SLC2A9: variants seen among roughly 807,000 people sequenced by gnomAD.
SLC2A9 encodes solute carrier family 2, facilitated glucose transporter member 9.
SLC2A9 carries 39 observed loss-of-function variants against 50.6 expected under a neutral mutation model. The observed-to-expected ratio is 0.77, with a 90% CI of 0.60 to 1.01. The LOEUF is 1.01. Ranked by LOEUF, SLC2A9 falls within the 50% of genes least tolerant of loss-of-function variation. SLC2A9 has a pLI of 0.00. For missense variants in SLC2A9, 686 were observed against 677.6 expected (o/e 1.01, Z -0.14); for synonymous variants, 324 against 276.9 (o/e 1.17, Z -1.69).
Position 9,895,979 on chromosome 4 carries a change from C to T in SLC2A9, c.1114-5268G>A, listed in dbSNP as rs184955498. 2.6e-5 allele frequency among the ~76,000 whole-genome samples: 4 copies of T among 152,290 alleles called. No individual in the cohort carries two copies. In the East Asian group the frequency reaches 7.7e-4, roughly 29 times the overall value. On this transcript the variant is annotated intron_variant, in intron 8 of 11. Transcript: ENST00000264784. ...TCTTTTGTATTGCTGATCAGTATTC[C>T]ATTGCATGGATATACCAAAATTTGT...
intron 3 of SLC2A9, among the ~76,000 whole-genome samples, chr4:9,990,259 G>A (rs1246890317): frequency 2.6e-5 from 4 of 152,146 alleles, no homozygotes; most frequent in Admixed American, 6.5e-5. Flanking sequence ...TGCAAGCAAG[G>A]ATGGCCACAC....
At chr4:9,994,765 T>G (rs1054388813) in intron 3 of SLC2A9, among the ~76,000 whole-genome samples, 1 of 152,042 alleles carries the variant, frequency 6.6e-6, no homozygotes, top group Admixed American at 6.6e-5. Context: ...CTATTCCATC[T>G]GCATGGGTTC....
At chr4:9,814,606 G>T (rs2109008966) in intron 3 of SLC2A9, among the ~76,000 whole-genome samples, 1 of 152,314 alleles carries the variant, frequency 6.6e-6, no homozygotes, top group Non-Finnish European at 1.5e-5. Context: ...GGGCTCACTT[G>T]TATTTGACTG....
intron 3 of SLC2A9, among the ~76,000 whole-genome samples, chr4:9,810,444 G>A (rs1254855161): frequency 6.6e-6 from 1 of 152,204 alleles, no homozygotes; most frequent in Non-Finnish European, 1.5e-5. Context: ...TAAGGGATGA[G>A]ATTTTGGTAA....
At chr4:9,774,858 C>A (rs1717335277), downstream of SLC2A9, among the ~76,000 whole-genome samples, 1 of 151,872 alleles carries the variant, frequency 6.6e-6, no homozygotes, top group African/African-American at 2.4e-5. Flanking sequence ...CTATATGGGC[C>A]TCATTCCTTC....
At position 9,941,851 on chromosome 4, in the gene SLC2A9, A is replaced by G. The variant is rs2276965; in HGVS notation, c.814+62T>C. ...TGTGCCCATTGGCCCAGGTCCCAGCATGCCTTGCAGTGATGATCTATGCAG... is the reference window on the plus strand; with the variant it reads ...TGTGCCCATTGGCCCAGGTCCCAGCGTGCCTTGCAGTGATGATCTATGCAG... On this transcript the variant is annotated intron_variant, in intron 6 of 11. Coordinates refer to ENST00000264784, the MANE Select transcript of SLC2A9 (RefSeq NM_020041.3). The G allele has an allele frequency of 1.2e-3, 1,962 of 1,609,498 alleles. 10 individuals carry two copies. The East Asian group carries it at 0.023, about 19-fold the overall frequency.
At chr4:9,997,498 G>A (rs372700446) in intron 2 of SLC2A9, among the ~76,000 whole-genome samples, 30 of 152,296 alleles carry the variant, frequency 2.0e-4, no homozygotes, top group African/African-American at 4.6e-4. Flanking sequence ...CCAGGAGTTC[G>A]AGATCAGTCT....
chr4:9,969,512 G>T (rs549876754), intron 5 of SLC2A9, among the ~76,000 whole-genome samples: 54 of 152,206 alleles, frequency 3.5e-4, no homozygotes, highest in African/African-American at 6.7e-4. Flanking sequence ...GATCAATGTG[G>T]TTTTTTTCCC....
At chr4:10,024,779 G>A (rs1763698565), upstream of SLC2A9, among the ~76,000 whole-genome samples, 1 of 152,208 alleles carries the variant, frequency 6.6e-6, no homozygotes, top group Non-Finnish European at 1.5e-5. Flanking sequence ...CTAAAAAGTT[G>A]TCTTGGACAA....
At chr4:9,847,782 T>G (rs1490189466) in intron 10 of SLC2A9, among the ~76,000 whole-genome samples, 1 of 152,220 alleles carries the variant, frequency 6.6e-6, no homozygotes, top group Non-Finnish European at 1.5e-5. Flanking sequence ...CTTGAAAGGT[T>G]TTCCCTTTGT....
At chr4:9,880,068 G>A in intron 10 of SLC2A9, 1 of 985,408 alleles carries the variant, frequency 1.0e-6, no homozygotes, top group Non-Finnish European at 1.2e-6. Context: ...GAGTCTCTCT[G>A]CCATTCAGCT....
At chr4:9,971,118 C>A (rs1267300797) in intron 5 of SLC2A9, among the ~76,000 whole-genome samples, 2 of 152,144 alleles carry the variant, frequency 1.3e-5, no homozygotes, top group African/African-American at 4.8e-5. Context: ...CTTGCCGATG[C>A]TCCCAGCTGA....
At chr4:9,978,856 C>T (rs1755245803) in intron 5 of SLC2A9, among the ~76,000 whole-genome samples, 1 of 152,190 alleles carries the variant, frequency 6.6e-6, no homozygotes, top group Non-Finnish European at 1.5e-5. Context: ...CAGAAAAGTA[C>T]ACTTAAGAAT....
At chr4:9,823,809 A>C (rs1458059757), downstream of SLC2A9, among the ~76,000 whole-genome samples, 1 of 152,216 alleles carries the variant, frequency 6.6e-6, no homozygotes, top group Non-Finnish European at 1.5e-5. Flanking sequence ...AAAAAATAGA[A>C]GATAAGAGAC....
intron 1 of SLC2A9, among the ~76,000 whole-genome samples, chr4:10,031,219 A>G (rs770307995): frequency 2.6e-5 from 4 of 152,226 alleles, no homozygotes; most frequent in Non-Finnish European, 5.9e-5. Flanking sequence ...ATTTCTTCCA[A>G]CATGAGACAC....
intron 3 of SLC2A9, among the ~76,000 whole-genome samples, chr4:9,799,700 C>CCCCAA (rs1553813199): frequency 7.5e-5 from 7 of 93,716 alleles, no homozygotes; most frequent in Admixed American, 1.2e-4. Context: ...GTACCCCCCC[C>CCCCAA]CCACCCAACT....
chr4:9,931,451 GAC>G lies in SLC2A9; in HGVS notation c.814+10460_814+10461del, dbSNP rs1231397454. Among the ~76,000 whole-genome samples, 3 of 152,336 alleles carry G rather than the reference GAC, an allele frequency of 2.0e-5. No homozygotes were observed. In the South Asian group the frequency reaches 6.2e-4, roughly 32 times the overall value. On this transcript the variant is annotated intron_variant, in intron 6 of 11. Coordinates refer to ENST00000264784, the MANE Select transcript of SLC2A9 (RefSeq NM_020041.3). ...CAACTTTATTCAAGAGGAGTCAAGA[GAC>G]ACTGAGCAGGGGAGAAGAGGCTAAG...
chr4:9,937,444 G>A (rs913453834), intron 6 of SLC2A9, among the ~76,000 whole-genome samples: 2 of 152,176 alleles, frequency 1.3e-5, no homozygotes, highest in Admixed American at 6.5e-5. Context: ...GGGCCAAAAT[G>A]AGAAGACTCT....
intron 10 of SLC2A9, among the ~76,000 whole-genome samples, chr4:9,865,336 G>A (rs955649055): frequency 2.6e-5 from 4 of 152,222 alleles, no homozygotes; most frequent in Admixed American, 2.6e-4. Flanking sequence ...TGCTGAAGTC[G>A]AGAGACCCTG....
Sources: gnomAD v4.1 joint callset for allele counts (sites outside exome capture counted in the v4.1 genomes callset) on GRCh38, gnomAD v4.1.1 for gene constraint, MANE v1.5 for transcripts, NCBI Gene and HGNC (gene_info 2026-07-23, HGNC 2026-07-21) for gene names.